The following SAMD4A variants were observed in gnomAD, a reference collection of about 807,000 sequenced individuals.
The protein encoded by SAMD4A is protein Smaug homolog 1.
SAMD4A carries 33 observed loss-of-function variants against 81.3 expected under a neutral mutation model. The observed-to-expected ratio is 0.41, with a 90% CI of 0.31 to 0.54. The LOEUF (loss-of-function observed/expected upper bound fraction) is 0.54, where lower values mean the gene tolerates loss of function less well. SAMD4A is among the 20% of genes least tolerant of loss of function. The pLI is 0.37. For synonymous variants in SAMD4A, 389 were observed against 382.1 expected (o/e 1.02, Z -0.21); for missense variants, 854 against 951.1 (o/e 0.90, Z 1.34).
chr14:54,636,179 A>G lies in SAMD4A; in HGVS notation c.197-65883A>G, dbSNP rs144687865. Among the ~76,000 whole-genome samples the G allele has an allele frequency of 3.9e-3, 587 of 152,186 alleles. 3 individuals carry two copies. Among genetic ancestry groups the G allele is most frequent in the African/African-American group, 0.013 (551 of 41,498 alleles). ...GCTAGAAGGTGGCATTTGAACAGAG[A>G]TGTTAGGGAGGGAAGGCAGTTTGCA... On this transcript the variant is annotated intron_variant, in intron 2 of 12. Transcript: ENST00000554335.
chr14:54,625,118 C>T (rs893126831), intron 2 of SAMD4A, among the ~76,000 whole-genome samples: 1 of 151,732 alleles, frequency 6.6e-6, no homozygotes, highest in African/African-American at 2.4e-5. Flanking sequence ...TTCCTATGTC[C>T]CCCTCCCCCC....
Position 54,696,189 on chromosome 14 carries a change from G to A in SAMD4A, c.197-5873G>A, listed in dbSNP as rs560709923. On this transcript the variant is annotated intron_variant, in intron 2 of 12. Coordinates refer to ENST00000554335, the MANE Select transcript of SAMD4A (RefSeq NM_015589.6). ...CCTTGGGAGACAAACTCAAGTGCAG[G>A]TGCCAACACAAGAATCCCACCATTT... 3.4e-4 allele frequency among the ~76,000 whole-genome samples: 51 copies of A among 152,208 alleles called. No individual in the cohort carries two copies. In the South Asian group the frequency reaches 0.01, roughly 30 times the overall value.
intron 8 of SAMD4A, among the ~76,000 whole-genome samples, chr14:54,767,301 C>T (rs1033327473): frequency 2.6e-5 from 4 of 152,170 alleles, no homozygotes; most frequent in South Asian, 2.1e-4. Context: ...AGCCCGGACA[C>T]GCTGTTCCTT....
chr14:54,606,216 TGCAC>T (rs1441907665), intron 2 of SAMD4A, among the ~76,000 whole-genome samples: 1 of 150,418 alleles, frequency 6.6e-6, no homozygotes, highest in Non-Finnish European at 1.5e-5. Context: ...TGTGTGTGCG[TGCAC>T]GTGCACGTGC....
chr14:54,604,797 T>C (rs2034155651), intron 2 of SAMD4A, among the ~76,000 whole-genome samples: 1 of 152,240 alleles, frequency 6.6e-6, no homozygotes, highest in African/African-American at 2.4e-5. Context: ...TATTAATATG[T>C]ATAGTTAAAG....
At chr14:54,578,505 G>A (rs1363616451) in intron 2 of SAMD4A, among the ~76,000 whole-genome samples, 2 of 152,074 alleles carry the variant, frequency 1.3e-5, no homozygotes, top group Non-Finnish European at 2.9e-5. Flanking sequence ...GAGGTCAGGA[G>A]TTCAAGACCA....
At chr14:54,671,383 G>C (rs1263971299) in intron 2 of SAMD4A, among the ~76,000 whole-genome samples, 1 of 152,182 alleles carries the variant, frequency 6.6e-6, no homozygotes, top group Admixed American at 6.5e-5. Flanking sequence ...GATAATAATA[G>C]TACCTAGGGG....
At chr14:54,657,105 T>G (rs1191914768) in intron 2 of SAMD4A, among the ~76,000 whole-genome samples, 4 of 152,204 alleles carry the variant, frequency 2.6e-5, no homozygotes, top group Non-Finnish European at 5.9e-5. Flanking sequence ...TAGATATGTC[T>G]AACACCTGTA....
At chr14:54,623,256 A>T (rs1190415295) in intron 2 of SAMD4A, among the ~76,000 whole-genome samples, 1 of 151,918 alleles carries the variant, frequency 6.6e-6, no homozygotes, top group Non-Finnish European at 1.5e-5. Flanking sequence ...TATTGCTCCT[A>T]TGTTTTTGCT....
intron 4 of SAMD4A, among the ~76,000 whole-genome samples, chr14:54,743,815 A>C (rs1463424859): frequency 1.3e-5 from 2 of 152,224 alleles, no homozygotes; most frequent in Non-Finnish European, 2.9e-5. Context: ...GCCCAAGACC[A>C]ATCCTGCTCT....
chr14:54,724,007 T>TGGAAGGAAGGAA (rs753453738), intron 3 of SAMD4A, among the ~76,000 whole-genome samples: 18,774 of 123,892 alleles, frequency 0.15, 1,620 homozygotes, highest in South Asian at 0.17. Flanking sequence ...GATGGATGGA[T>TGGAAGGAAGGAA]GGAAGGAAGG....
intron 2 of SAMD4A, among the ~76,000 whole-genome samples, chr14:54,656,686 G>T (rs949153762): frequency 5.9e-5 from 9 of 152,182 alleles, no homozygotes; most frequent in Non-Finnish European, 1.3e-4. Context: ...GGAGGGCAGT[G>T]GCGCGATCTC....
At chr14:54,771,954 T>C (rs2038717569) in intron 9 of SAMD4A, among the ~76,000 whole-genome samples, 1 of 152,168 alleles carries the variant, frequency 6.6e-6, no homozygotes, top group African/African-American at 2.4e-5. Flanking sequence ...TAACCCAAGG[T>C]TTGCCAGGTT....
chr14:54,706,675 A>C (rs1056546815), intron 3 of SAMD4A, among the ~76,000 whole-genome samples: 5 of 151,856 alleles, frequency 3.3e-5, no homozygotes, highest in African/African-American at 9.7e-5. Context: ...GGGAAATGGA[A>C]AGTGAGCTAA....
intron 2 of SAMD4A, among the ~76,000 whole-genome samples, chr14:54,580,889 C>T (rs10141132): frequency 0.023 from 3,486 of 152,246 alleles, 132 homozygotes; most frequent in African/African-American, 0.079. Context: ...AACTGACATC[C>T]GTAATCCACA....
intron 2 of SAMD4A, among the ~76,000 whole-genome samples, chr14:54,676,946 C>T (rs138775624): frequency 5.6e-4 from 86 of 152,350 alleles, no homozygotes; most frequent in African/African-American, 1.9e-3. Context: ...TTTTGCTTCC[C>T]ACTGAAGCCA....
At chr14:54,616,829 G>A (rs775285728) in intron 2 of SAMD4A, among the ~76,000 whole-genome samples, 15 of 152,088 alleles carry the variant, frequency 9.9e-5, no homozygotes, top group Non-Finnish European at 1.5e-4. Flanking sequence ...AGCAATGTAC[G>A]TAACAGGAAT....
intron 11 of SAMD4A, among the ~76,000 whole-genome samples, chr14:54,782,494 G>C (rs73276810): frequency 6.6e-6 from 1 of 152,040 alleles, no homozygotes; most frequent in Non-Finnish European, 1.5e-5. Flanking sequence ...TAATTGCCCC[G>C]ACCCTACTCT....
intron 3 of SAMD4A, among the ~76,000 whole-genome samples, chr14:54,731,727 T>G (rs1365122817): frequency 6.6e-6 from 1 of 152,116 alleles, no homozygotes; most frequent in African/African-American, 2.4e-5. Flanking sequence ...GAAAAAAGAT[T>G]AAAGTTGCAA....
Sources: gnomAD v4.1 joint callset for allele counts (sites outside exome capture counted in the v4.1 genomes callset) on GRCh38, gnomAD v4.1.1 for gene constraint, MANE v1.5 for transcripts, NCBI Gene and HGNC (gene_info 2026-07-23, HGNC 2026-07-21) for gene names.